Variants in KIFC3 observed in about 807,000 individuals in gnomAD.
KIFC3 encodes the protein kinesin-like protein KIFC3.
Under a neutral mutation model 101.8 loss-of-function variants are expected in KIFC3, and 60 were observed. The ratio of observed to expected loss-of-function variants is 0.59; its 90% CI spans 0.48 to 0.73. The LOEUF (loss-of-function observed/expected upper bound fraction) is 0.73, where lower values mean the gene tolerates loss of function less well. Among genes scored for constraint, KIFC3 ranks in the 30% least tolerant of loss-of-function variants. The pLI is 0.00. For synonymous variants in KIFC3, 476 were observed against 482.7 expected, an observed-to-expected ratio of 0.99 and a Z score of 0.18; for missense variants, 966 against 1,137.1, an observed-to-expected ratio of 0.85 and a Z score of 2.16.
chr16:57,857,365 G>A (rs1282862575), intron 1 of KIFC3, among the ~76,000 whole-genome samples: 7 of 148,082 alleles, frequency 4.7e-5, no homozygotes, highest in South Asian at 2.2e-4. Flanking sequence ...TCTGACTTTC[G>A]TAAGTCTCCC....
chr16:57,761,136 C>G lies in KIFC3; in HGVS notation c.1908G>C (p.Glu636Asp). The change falls in exon 15 of 20, where the codon GAG becomes GAC. Residue 636 changes from glutamate (E) to aspartate (D), a missense_variant. Glu to Asp is a conservative substitution (Grantham distance 45). Transcript: ENST00000445690. ...AGCTGTGCTCGTTCAGGTTGGTGAA[C>G]TCGGTCGTGCGATTAGTGTGGCCAA... Reference protein sequence around the residue: ...FEFGHTNRTTEFTNLNEHSSR... With the variant: ...FEFGHTNRTTDFTNLNEHSSR... 1 of 1,614,016 alleles carries G rather than the reference C, an allele frequency of 6.2e-7. No individual in the cohort carries two copies. The highest frequency in any genetic ancestry group is 8.5e-7 in the Non-Finnish European group (1 of 1,179,978).
intron 1 of KIFC3, among the ~76,000 whole-genome samples, chr16:57,855,119 CTTTTTTT>C (rs1229988962): frequency 9.5e-6 from 1 of 105,084 alleles, no homozygotes; most frequent in Non-Finnish European, 2.0e-5. Context: ...CCATTTCTTT[CTTTTTTT>C]TTTTTTTTTT....
Position 57,760,274 on chromosome 16 carries a change from C to T in KIFC3, c.2367+8G>A, listed in dbSNP as rs1555594773. On this transcript the variant is annotated splice_region_variant and intron_variant, in intron 17 of 19. Coordinates refer to ENST00000445690, the MANE Select transcript of KIFC3 (RefSeq NM_001130100.2). ...CCACCTGAGCCAGGCCTGTGACAGTCCCCGTACCTCTAGATGCTCCTGGCT... is the reference window on the plus strand; with the variant it reads ...CCACCTGAGCCAGGCCTGTGACAGTTCCCGTACCTCTAGATGCTCCTGGCT... The T allele has an allele frequency of 6.2e-7, 1 of 1,609,906 alleles. No individual in the cohort carries two copies. Among genetic ancestry groups the T allele is most frequent in the Non-Finnish European group, 8.5e-7 (1 of 1,177,294 alleles).
At chr16:57,813,421 T>C (rs2098740) in intron 1 of KIFC3, among the ~76,000 whole-genome samples, 7,243 of 152,208 alleles carry the variant, frequency 0.048, 309 homozygotes, top group East Asian at 0.14. Flanking sequence ...ACAGTGTCCC[T>C]GTCTAAATCT....
chr16:57,830,378 C>T (rs1189753512), intron 1 of KIFC3, among the ~76,000 whole-genome samples: 1 of 151,668 alleles, frequency 6.6e-6, no homozygotes, highest in Non-Finnish European at 1.5e-5. Flanking sequence ...GCTGAGATTA[C>T]AGGCACCCGC....
rs533608729 is a variant in KIFC3, at chr16:57,846,739, CCAAA to C, written c.108+15986_108+15989del. ...CATTCTGATAGGTACAATTTCTTTC[CCAAA>C]CAAACACTCACGTATTGGGTTTTGA... On this transcript the variant is annotated intron_variant, in intron 1 of 2. Transcript: ENST00000563028. Among the ~76,000 whole-genome samples, 727 of 152,316 alleles carry C rather than the reference CCAAA, an allele frequency of 4.8e-3. 2 individuals carry two copies. Among genetic ancestry groups the C allele is most frequent in the Non-Finnish European group, 7.1e-3 (482 of 68,032 alleles).
In KIFC3 at chr16:57,769,719, C is replaced by T. The variant is rs782157411; in HGVS notation, c.1094G>A (p.Arg365Gln). The change falls in exon 9 of 20, where the codon CGG becomes CAG. Residue 365 changes from arginine to glutamine, a missense_variant. Arg to Gln is a conservative substitution (Grantham distance 43, BLOSUM62 1). Coordinates refer to ENST00000445690, the MANE Select transcript of KIFC3 (RefSeq NM_001130100.2). This position sits in a 1 kb window ranked among gnomAD's most constrained non-coding sequence, Gnocchi z 4.3. Reference protein sequence around the residue: ...KAVHENLAGVRTNLLTLQPAL... With the variant: ...KAVHENLAGVQTNLLTLQPAL... ...CGGCTGCAAGGTCAGCAAGTTGGTC[C>T]GGACGCCTATGGGGACACTCGGGCT... is the stretch of plus-strand genomic sequence containing the variant. The T allele has an allele frequency of 1.2e-6, 2 of 1,613,040 alleles. No individual in the cohort carries two copies. The highest frequency in any genetic ancestry group is 1.7e-6 in the Non-Finnish European group (2 of 1,179,914).
At chr16:57,797,505 G>A (rs1336039557) in intron 2 of KIFC3, among the ~76,000 whole-genome samples, 1 of 152,230 alleles carries the variant, frequency 6.6e-6, no homozygotes, top group Admixed American at 6.5e-5. Context: ...GGGGGGTACA[G>A]TGGGGGCCAA....
intron 1 of KIFC3, among the ~76,000 whole-genome samples, chr16:57,855,491 A>C (rs1043961640): frequency 6.6e-6 from 1 of 152,126 alleles, no homozygotes; most frequent in African/African-American, 2.4e-5. Context: ...AGTACAACAT[A>C]TAAAAATTTG....
At chr16:57,845,843 G>A (rs1167515485) in intron 1 of KIFC3, among the ~76,000 whole-genome samples, 1 of 152,140 alleles carries the variant, frequency 6.6e-6, no homozygotes, top group Non-Finnish European at 1.5e-5. Flanking sequence ...TTTCCTCTGT[G>A]AGGGAGAGTC....
chr16:57,789,550 ATGG>A (rs1362836065), intron 3 of KIFC3, among the ~76,000 whole-genome samples: 1 of 152,130 alleles, frequency 6.6e-6, no homozygotes, highest in Admixed American at 6.5e-5. Flanking sequence ...TTCGGGGGGG[ATGG>A]TGTAGTGGCT....
intron 6 of KIFC3, 76 bp downstream of exon 6, chr16:57,771,122 C>A (rs967211390): frequency 1.0e-5 from 16 of 1,560,866 alleles, no homozygotes; most frequent in Non-Finnish European, 1.4e-5. Context: ...CAGGACAAGC[C>A]CCCCTTATGG....
intron 3 of KIFC3, among the ~76,000 whole-genome samples, chr16:57,779,006 A>G (rs1261710889): frequency 6.6e-6 from 1 of 152,248 alleles, no homozygotes; most frequent in Non-Finnish European, 1.5e-5. Flanking sequence ...TGCGGCCACT[A>G]TGGAAAACAG....
Position 57,798,075 on chromosome 16 carries a change from T to C in KIFC3, c.169A>G (p.Thr57Ala), listed in dbSNP as rs1555623765. ...CATTTTAAAAATGCGGACTCACCAG[T>C]TCTCAACCTCCCCGGGCCGGTGTGT... ...FPHTGPGRLR[T>A]GRGKDTPVCG... Residue 57 changes from threonine (T) to alanine (A), a missense_variant, in exon 2 of 20, where the codon ACT becomes GCT. Thr to Ala is a moderately conservative substitution (Grantham distance 58). Transcript: ENST00000445690. 2 of 1,592,668 alleles carry C rather than the reference T, an allele frequency of 1.3e-6. No homozygotes were observed. The highest frequency in any genetic ancestry group is 3.5e-5 in the Admixed American group (2 of 57,794).
At chr16:57,849,559 G>A (rs1596876065) in intron 1 of KIFC3, among the ~76,000 whole-genome samples, 1 of 152,256 alleles carries the variant, frequency 6.6e-6, no homozygotes, top group South Asian at 2.1e-4. Flanking sequence ...TGAAGGGAAG[G>A]AGAACGTAAA....
chr16:57,814,944 G>T (rs8056154), intron 1 of KIFC3, among the ~76,000 whole-genome samples: 1 of 152,046 alleles, frequency 6.6e-6, no homozygotes, highest in Non-Finnish European at 1.5e-5. Context: ...TCTTTTGTCC[G>T]CTATAAAACC....
intron 3 of KIFC3, chr16:57,791,206 G>A (rs2053842882): frequency 6.6e-6 from 1 of 152,152 alleles, no homozygotes; most frequent in Non-Finnish European, 1.5e-5. Flanking sequence ...ATCCAGCCTG[G>A]GTGACAACTC....
intron 1 of KIFC3, among the ~76,000 whole-genome samples, chr16:57,851,377 C>T (rs1489942602): frequency 1.3e-5 from 2 of 152,118 alleles, no homozygotes; most frequent in African/African-American, 4.8e-5. Context: ...CTTCATCTTC[C>T]AATCCACTTA....
At chr16:57,799,775 C>T (rs2054601510) in intron 1 of KIFC3, among the ~76,000 whole-genome samples, 1 of 152,120 alleles carries the variant, frequency 6.6e-6, no homozygotes, top group Non-Finnish European at 1.5e-5. Context: ...GAGAGAGGGA[C>T]AGGAGCTCCA....
Sources: allele counts gnomAD v4.1 joint callset (sites outside exome capture counted in the v4.1 genomes callset), GRCh38; gene constraint gnomAD v4.1.1; non-coding constraint Gnocchi (gnomAD v3.1); transcripts MANE v1.5; gene names NCBI Gene and HGNC (gene_info 2026-07-23, HGNC 2026-07-21).